ITGA1: variants seen among roughly 807,000 people sequenced by gnomAD.
ITGA1 encodes integrin alpha-1.
In ITGA1, 85 loss-of-function variants were observed where a neutral mutation model predicts 145.9. The ratio of observed to expected loss-of-function variants is 0.58; its 90% CI spans 0.49 to 0.70. The LOEUF is 0.70. Among genes scored for constraint, ITGA1 ranks in the 30% least tolerant of loss-of-function variants. ITGA1 has a pLI of 0.00. For missense variants in ITGA1, 1,351 were observed against 1,418.7 expected, an observed-to-expected ratio of 0.95 and a Z score of 0.77; for synonymous variants, 520 against 495.3, an observed-to-expected ratio of 1.05 and a Z score of -0.66.
rs1751266696 is a variant in ITGA1, at chr5:52,954,006, T to C, written c.*1555T>C. The C allele has an allele frequency of 6.6e-6, 1 of 152,178 alleles. No individual in the cohort carries two copies. Among genetic ancestry groups the C allele is most frequent in the East Asian group, 1.9e-4 (1 of 5,182 alleles). The allele number at this position is 152,178 out of a possible 1,614,324, so 9.4% of individuals were successfully genotyped here. A position where few individuals can be genotyped will look rare whatever the true frequency, so the allele number is the denominator to read the frequency against. The stretch of plus-strand genomic sequence containing the variant: ...GCTGAAGACTCAGAGTCAGCCTACC[T>C]CTTGACTCTCCACATCCGCATCTAA... On this transcript the variant is annotated 3_prime_UTR_variant, in exon 29 of 29. Coordinates refer to ENST00000282588, the MANE Select transcript of ITGA1 (RefSeq NM_181501.2).
chr5:52,791,391 A>T (rs1343741981), intron 1 of ITGA1, among the ~76,000 whole-genome samples: 1 of 152,144 alleles, frequency 6.6e-6, no homozygotes, highest in East Asian at 1.9e-4. Context: ...TAGTTATGGG[A>T]GGGTGGCCAT....
Position 52,918,824 on chromosome 5 carries a change from A to T in ITGA1, c.2081A>T (p.Glu694Val), listed in dbSNP as rs1312124522. Residue 694 changes from glutamate to valine, a missense_variant, in exon 16 of 29, where the codon GAA becomes GTA. By Grantham distance (121) the Glu-to-Val change is moderately radical (BLOSUM62 -2). Coordinates refer to ENST00000282588, the MANE Select transcript of ITGA1 (RefSeq NM_181501.2). Reference sequence around the variant, plus strand: ...AAAAACTGCCATATGGAGGGAAAGGAAACAGTATGCATAAATGCTACAGTG... The same window carrying T: ...AAAAACTGCCATATGGAGGGAAAGGTAACAGTATGCATAAATGCTACAGTG... Reference protein sequence around the residue: ...QKKNCHMEGKETVCINATVCF... With the variant: ...QKKNCHMEGKVTVCINATVCF... The T allele has an allele frequency of 5.0e-6, 8 of 1,612,986 alleles. No homozygotes were observed. Among genetic ancestry groups the T allele is most frequent in the Non-Finnish European group, 5.1e-6 (6 of 1,179,480 alleles).
rs941374122 is a variant in ITGA1, at chr5:52,938,581, GA to G, written c.3079-1000del. ...AGCAGGTTTGTGAAAATCCAGAAGA[GA>G]AAAAAAAATTGTACTTTTCATACTG... is the stretch of plus-strand genomic sequence containing the variant. On this transcript the variant is annotated intron_variant, in intron 24 of 28. Transcript: ENST00000282588. Among the ~76,000 whole-genome samples, 8 of 151,562 alleles carry G rather than the reference GA, an allele frequency of 5.3e-5. No individual in the cohort carries two copies. In the South Asian group the frequency reaches 1.2e-3, roughly 24 times the overall value.
chr5:52,818,479 A>T (rs1483673674), intron 1 of ITGA1, among the ~76,000 whole-genome samples: 8 of 152,192 alleles, frequency 5.3e-5, no homozygotes, highest in African/African-American at 1.9e-4. Flanking sequence ...ACCTGACAGC[A>T]TCTGAGCCAT....
At position 52,909,616 on chromosome 5, in the gene ITGA1, C is replaced by G. The variant is rs945010934; in HGVS notation, c.1600-546C>G. On this transcript the variant is annotated intron_variant, in intron 13 of 28. Coordinates refer to ENST00000282588, the MANE Select transcript of ITGA1 (RefSeq NM_181501.2). ...TAGCTTTTCCAAATATGTACATTCT[C>G]TCCTAAATTGATTATTTTAAATAAT... 2.0e-5 allele frequency among the ~76,000 whole-genome samples: 3 copies of G among 152,110 alleles called. No homozygotes were observed. In the South Asian group the frequency reaches 6.2e-4, roughly 32 times the overall value.
chr5:52,858,566 T>C (rs1561229014), intron 2 of ITGA1, among the ~76,000 whole-genome samples: 1 of 152,228 alleles, frequency 6.6e-6, no homozygotes, highest in African/African-American at 2.4e-5. Context: ...AAACATTAAT[T>C]ACTCCAGCCT....
chr5:52,827,089 CTTTTTTTT>C (rs201041439), intron 1 of ITGA1, among the ~76,000 whole-genome samples: 2 of 134,844 alleles, frequency 1.5e-5, no homozygotes, highest in Admixed American at 7.3e-5. Flanking sequence ...CCATTAAGAA[CTTTTTTTT>C]TTTTTTTTTT....
chr5:52,903,879 C>T (rs1164686224), intron 11 of ITGA1: 10 of 152,224 alleles, frequency 6.6e-5, no homozygotes, highest in Non-Finnish European at 1.3e-4. Context: ...TATGCTCTTC[C>T]TGTAAGCAGC....
chr5:52,888,027 TG>T, intron 8 of ITGA1, 62 bp downstream of exon 8: 2 of 1,497,502 alleles, frequency 1.3e-6, no homozygotes, highest in Admixed American at 1.9e-5. Flanking sequence ...GTGTGCATAT[TG>T]GGTAATTTTA....
At chr5:52,943,994 G>A (rs1268190033) in intron 26 of ITGA1, among the ~76,000 whole-genome samples, 1 of 152,188 alleles carries the variant, frequency 6.6e-6, no homozygotes, top group Admixed American at 6.5e-5. Context: ...CTCCTGTGGG[G>A]CAGTTAGGCA....
intron 1 of ITGA1, among the ~76,000 whole-genome samples, chr5:52,820,070 C>T (rs1224105785): frequency 2.0e-4 from 30 of 151,866 alleles, no homozygotes; most frequent in Admixed American, 2.0e-3. Context: ...AATTTGAAGT[C>T]AGGTAGCATG....
rs751957274 is a variant in ITGA1 at position 52,910,167 on chromosome 5, G to T, written c.1605G>T (p.Arg535Ser). 3 of 1,602,728 alleles carry T rather than the reference G, an allele frequency of 1.9e-6. No homozygotes were observed. The highest frequency in any genetic ancestry group is 2.7e-5 in the African/African-American group (2 of 74,632). The change falls in exon 14 of 29, where the codon AGG (arginine) becomes AGT (serine). Residue 535 changes from arginine to serine, a missense_variant. Transcript: ENST00000282588. ...CCTGTTTATCTTTCTTCCAGACAAG[G>T]TTTGAATATCAAATGAGCCTGGAAC... ...KVYVYALNQT[R>S]FEYQMSLEPI...
chr5:52,875,090 A>T (rs1209815460), intron 6 of ITGA1, among the ~76,000 whole-genome samples: 1 of 152,250 alleles, frequency 6.6e-6, no homozygotes, highest in Non-Finnish European at 1.5e-5. Context: ...GGAGTAAGAG[A>T]AAACCTTACT....
At chr5:52,864,737 C>G (rs1226757333) in intron 3 of ITGA1, 26 bp from the exon 4 acceptor site, 9 of 1,430,160 alleles carry the variant, frequency 6.3e-6, no homozygotes, top group Non-Finnish European at 8.8e-6. Flanking sequence ...CTTTTCCTCC[C>G]TCATAAAATT....
chr5:52,855,661 A>T (rs1488368565), intron 2 of ITGA1, among the ~76,000 whole-genome samples: 4 of 152,126 alleles, frequency 2.6e-5, no homozygotes. Flanking sequence ...TGTGAGAAAA[A>T]ACTGAGCAAG....
intron 3 of ITGA1, among the ~76,000 whole-genome samples, chr5:52,861,767 G>A (rs539078113): frequency 2.0e-5 from 3 of 151,622 alleles, no homozygotes; most frequent in African/African-American, 4.8e-5. Context: ...CTACTCAAGA[G>A]GATGAAGTGT....
At chr5:52,922,337 A>T (rs1300334482) in intron 17 of ITGA1, among the ~76,000 whole-genome samples, 1 of 151,930 alleles carries the variant, frequency 6.6e-6, no homozygotes, top group Non-Finnish European at 1.5e-5. Context: ...ACAAAAACTT[A>T]TAGCTGTAGG....
intron 1 of ITGA1, among the ~76,000 whole-genome samples, chr5:52,846,812 A>G (rs1327031292): frequency 6.6e-6 from 1 of 152,118 alleles, no homozygotes; most frequent in Non-Finnish European, 1.5e-5. Flanking sequence ...CTGGGTACAC[A>G]TTTTCTTTTC....
In ITGA1 at chr5:52,809,312, G is replaced by A. The variant is rs145082271; in HGVS notation, c.61+20898G>A. Among the ~76,000 whole-genome samples the A allele has an allele frequency of 2.6e-5, 4 of 152,226 alleles. No individual in the cohort carries two copies. In the East Asian group the frequency reaches 7.7e-4, roughly 29 times the overall value. On this transcript the variant is annotated intron_variant, in intron 1 of 28. Coordinates refer to ENST00000282588, the MANE Select transcript of ITGA1 (RefSeq NM_181501.2). ...ATGGGGAACGAATGGTAAAGCAGTA[G>A]TAATAGCAGTGCAATCTGGCACAGG...
Sources: gnomAD v4.1 joint callset for allele counts (sites outside exome capture counted in the v4.1 genomes callset) on GRCh38, gnomAD v4.1.1 for gene constraint, MANE v1.5 for transcripts, NCBI Gene and HGNC (gene_info 2026-07-23, HGNC 2026-07-21) for gene names.